The following BHMT2 variants were observed in gnomAD, a reference collection of about 807,000 sequenced individuals.
BHMT2 encodes betaine--homocysteine S-methyltransferase 2.
In BHMT2, 28 loss-of-function variants were observed where a neutral mutation model predicts 39.0. That is an observed-to-expected ratio of 0.72 (90% confidence interval 0.53 to 0.98). The LOEUF (loss-of-function observed/expected upper bound fraction) is 0.98, where lower values mean the gene tolerates loss of function less well. Among genes scored for constraint, BHMT2 ranks in the 50% least tolerant of loss-of-function variants. The probability of loss-of-function intolerance (pLI) is 0.00; values close to 1 mark genes in which losing one functional copy is unlikely to be tolerated. For missense variants in BHMT2, 410 were observed against 455.6 expected (o/e 0.90, Z 0.91); for synonymous variants, 145 against 160.6 (o/e 0.90, Z 0.74).
At chr5:79,084,000 C>G (rs1755845037) in intron 7 of BHMT2, 144 bp downstream of exon 7, 8 of 1,261,050 alleles carry the variant, frequency 6.3e-6, no homozygotes, top group Non-Finnish European at 8.6e-6. Context: ...GATACCAGCT[C>G]CATTCCCAAA....
intron 3 of BHMT2, among the ~76,000 whole-genome samples, chr5:79,079,886 T>A (rs2112699163): frequency 6.6e-6 from 1 of 152,168 alleles, no homozygotes; most frequent in African/African-American, 2.4e-5. Context: ...CAAGACCCCA[T>A]GTCAGCAAAA....
intron 4 of BHMT2, among the ~76,000 whole-genome samples, chr5:79,082,183 GGCACTGAA>G (rs1227381388): frequency 1.3e-5 from 2 of 152,310 alleles, no homozygotes; most frequent in East Asian, 3.9e-4. Context: ...TTTCAGCTGT[GGCACTGAA>G]GGGGCTTCCT....
chr5:79,083,472 T>C lies in BHMT2; in HGVS notation c.781+98T>C, dbSNP rs1191261062. ...CCCAGTTTTACAATAAGAGACTGCA[T>C]ATGACAAAACATTCAGAGTTAACCA... is the stretch of plus-strand genomic sequence containing the variant. On this transcript the variant is annotated intron_variant, in intron 6 of 7. Coordinates refer to ENST00000255192, the MANE Select transcript of BHMT2 (RefSeq NM_017614.5). 3 of 1,483,514 alleles carry C rather than the reference T, an allele frequency of 2.0e-6. No homozygotes were observed. The East Asian group carries it at 6.9e-5, about 34-fold the overall frequency. 91.9% of individuals were successfully genotyped at this position (1,483,514 alleles called of 1,614,324 possible).
rs759163248 is a variant in BHMT2 at position 79,083,857 on chromosome 5, G to A, written c.1010+1G>A. On this transcript the variant is annotated splice_donor_variant, in intron 7 of 7. Coordinates refer to ENST00000255192, the MANE Select transcript of BHMT2 (RefSeq NM_017614.5). LOFTEE classifies it high-confidence loss of function. ...ACACCAAACCCTGGATTAGAGCAAG[G>A]TAAGCATTTTTAAATTAACATTCTT... The A allele has an allele frequency of 6.2e-6, 10 of 1,609,774 alleles. No individual in the cohort carries two copies. The highest frequency in any genetic ancestry group is 8.5e-6 in the Non-Finnish European group (10 of 1,178,072).
At chr5:79,078,240 C>T (rs1369759043) in intron 2 of BHMT2, 1 of 135,258 alleles carries the variant, frequency 7.4e-6, no homozygotes, top group Non-Finnish European at 1.6e-5. Context: ...GAAGTCAACA[C>T]AGTTTTATAT....
intron 4 of BHMT2, chr5:79,082,594 A>C (rs1275445835): frequency 4.7e-6 from 2 of 421,420 alleles, no homozygotes; most frequent in Non-Finnish European, 8.2e-6. Context: ...TGAACCCTGA[A>C]TGAAAAACTA....
chr5:79,080,904 A>AT lies in BHMT2; in HGVS notation c.450+28dup, dbSNP rs574083187. ...GTGAGGCTAGTATTGGAGGAAAAGG[A>AT]TTGAACCTATTTTGCAAGCATAACT... On this transcript the variant is annotated intron_variant, in intron 4 of 7. Coordinates refer to ENST00000255192, the MANE Select transcript of BHMT2 (RefSeq NM_017614.5). The AT allele has an allele frequency of 7.2e-5, 111 of 1,531,336 alleles. No homozygotes were observed. The African/African-American group carries it at 1.3e-3, about 17-fold the overall frequency. The allele number at this position is 1,531,336 out of a possible 1,614,324, so 94.9% of individuals were successfully genotyped here.
At chr5:79,086,621 G>A (rs1755901306) in intron 7 of BHMT2, among the ~76,000 whole-genome samples, 2 of 152,160 alleles carry the variant, frequency 1.3e-5, no homozygotes, top group Admixed American at 1.3e-4. Context: ...GCTACTTGTT[G>A]GAGAATGTTC....
chr5:79,088,190 G>A (rs2112707229), intron 7 of BHMT2, among the ~76,000 whole-genome samples: 1 of 152,184 alleles, frequency 6.6e-6, no homozygotes, highest in Admixed American at 6.6e-5. Flanking sequence ...AAAATAAAAA[G>A]TATATGAAAT....
rs771697080 is a variant in BHMT2 at position 79,083,846 on chromosome 5, A to G, written c.1000A>G (p.Ile334Val). 18 of 1,613,600 alleles carry G rather than the reference A, an allele frequency of 1.1e-5. No homozygotes were observed. Among genetic ancestry groups the G allele is most frequent in the Admixed American group, 1.7e-5 (1 of 59,916 alleles). ...TTTGGACATGCACACCAAACCCTGG[A>G]TTAGAGCAAGGTAAGCATTTTTAAA... ...SGLDMHTKPW[I>V]RARARREYWE... Residue 334 changes from isoleucine (I) to valine (V), a missense_variant, in exon 7 of 8, where the codon ATT (isoleucine) becomes GTT (valine). Transcript: ENST00000255192.
chr5:79,085,747 T>A (rs1755881320), intron 7 of BHMT2, among the ~76,000 whole-genome samples: 1 of 152,110 alleles, frequency 6.6e-6, no homozygotes, highest in African/African-American at 2.4e-5. Context: ...TCATGTCAAA[T>A]CAAAACTCAG....
In BHMT2 at chr5:79,083,363, A is replaced by C. The variant is rs749920892; in HGVS notation, c.770A>C (p.Glu257Ala). Residue 257 changes from glutamate to alanine, a missense_variant, in exon 6 of 8, where the codon GAA becomes GCA. Coordinates refer to ENST00000255192, the MANE Select transcript of BHMT2 (RefSeq NM_017614.5). Reference protein sequence around the residue: ...CGKEGFVDLPEYPFGLESRVA... With the variant: ...CGKEGFVDLPAYPFGLESRVA... ...AAAGAGGGGTTTGTGGATCTCCCAG[A>C]ATATCCCTTTGGTAAGCTCAGGTGC... 1 of 1,598,820 alleles carries C rather than the reference A, an allele frequency of 6.3e-7. No homozygotes were observed. Among genetic ancestry groups the C allele is most frequent in the Non-Finnish European group, 8.5e-7 (1 of 1,171,762 alleles).
rs111267950 is a variant in BHMT2 at position 79,080,868 on chromosome 5, T to G, written c.440T>G (p.Leu147Trp). Reference sequence around the variant, plus strand: ...TTTGCCTGGAAAAATGTGGACTTCTTGATTGCAGAGGTGAGGCTAGTATTG... The same window carrying G: ...TTTGCCTGGAAAAATGTGGACTTCTGGATTGCAGAGGTGAGGCTAGTATTG... Reference protein sequence around the residue: ...EVFAWKNVDFLIAEYFEHVEE... With the variant: ...EVFAWKNVDFWIAEYFEHVEE... The change falls in exon 4 of 8, where the codon TTG becomes TGG. Residue 147 changes from leucine to tryptophan, a missense_variant. Coordinates refer to ENST00000255192, the MANE Select transcript of BHMT2 (RefSeq NM_017614.5). 2.3e-5 allele frequency: 37 copies of G among 1,595,090 alleles called. 1 individual carries two copies. The African/African-American group carries it at 3.8e-4, about 16-fold the overall frequency.
rs1755512118 is a variant in BHMT2, at chr5:79,069,809, CAAG to C, written c.31_33del (p.Lys11del). On this transcript the variant is annotated inframe_deletion, in exon 1 of 8. Transcript: ENST00000255192. ...TGGCACCTGCTGGACGCCCGGGGGCCAAGAAGGTGAGTTTCGTCCCCTCGATCC... is the reference window on the plus strand; with the variant it reads ...TGGCACCTGCTGGACGCCCGGGGGCCAAGGTGAGTTTCGTCCCCTCGATCC... The C allele has an allele frequency of 2.1e-6, 3 of 1,436,478 alleles. No homozygotes were observed. The highest frequency in any genetic ancestry group is 9.2e-7 in the Non-Finnish European group (1 of 1,088,648). 89.0% of individuals were successfully genotyped at this position (1,436,478 alleles called of 1,614,324 possible). A position where few individuals can be genotyped will look rare whatever the true frequency, so the allele number is the denominator to read the frequency against.
Position 79,076,380 on chromosome 5 carries a change from C to T in BHMT2, c.34-1100C>T, listed in dbSNP as rs142926201. Among the ~76,000 whole-genome samples the T allele has an allele frequency of 8.7e-3, 1,327 of 152,116 alleles. 19 individuals are homozygous for T. Among genetic ancestry groups the T allele is most frequent in the African/African-American group, 0.031 (1,275 of 41,470 alleles). On this transcript the variant is annotated intron_variant, in intron 1 of 7. Coordinates refer to ENST00000255192, the MANE Select transcript of BHMT2 (RefSeq NM_017614.5). Reference sequence around the variant, plus strand: ...TTATAGGCACAGGATGGAGGTGTGGCGGGCCAGGGTGGTCTTGGAAAATGC... The same window carrying T: ...TTATAGGCACAGGATGGAGGTGTGGTGGGCCAGGGTGGTCTTGGAAAATGC...
At position 79,080,887 on chromosome 5, in the gene BHMT2, A is replaced by G. The variant is rs1325844764; in HGVS notation, c.450+9A>G. 1 of 1,564,632 alleles carries G rather than the reference A, an allele frequency of 6.4e-7. No individual in the cohort carries two copies. Among genetic ancestry groups the G allele is most frequent in the South Asian group, 1.2e-5 (1 of 81,206 alleles). On this transcript the variant is annotated intron_variant, in intron 4 of 7. Coordinates refer to ENST00000255192, the MANE Select transcript of BHMT2 (RefSeq NM_017614.5). The stretch of plus-strand genomic sequence containing the variant: ...ACTTCTTGATTGCAGAGGTGAGGCT[A>G]GTATTGGAGGAAAAGGATTGAACCT...
chr5:79,072,072 C>T (rs1259978625), intron 1 of BHMT2, among the ~76,000 whole-genome samples: 1 of 151,932 alleles, frequency 6.6e-6, no homozygotes, highest in African/African-American at 2.4e-5. Context: ...TTCGAGACCA[C>T]ACTGGACAAC....
At chr5:79,072,059 G>T (rs1265762027) in intron 1 of BHMT2, among the ~76,000 whole-genome samples, 5 of 152,092 alleles carry the variant, frequency 3.3e-5, no homozygotes, top group Non-Finnish European at 7.4e-5. Flanking sequence ...CTAAGGTCAG[G>T]AGTTCGAGAC....
chr5:79,084,763 A>C (rs1416153708), intron 7 of BHMT2, among the ~76,000 whole-genome samples: 1 of 152,206 alleles, frequency 6.6e-6, no homozygotes, highest in African/African-American at 2.4e-5. Flanking sequence ...CATCAGTTTT[A>C]AGTGGTAACT....
Sources: gnomAD v4.1 joint callset for allele counts (sites outside exome capture counted in the v4.1 genomes callset) on GRCh38, gnomAD v4.1.1 for gene constraint, MANE v1.5 for transcripts, NCBI Gene and HGNC (gene_info 2026-07-23, HGNC 2026-07-21) for gene names.